The following SLC45A3 variants were observed in gnomAD, a reference collection of about 807,000 sequenced individuals.
SLC45A3 encodes prostate cancer associated protein 2.
Under a neutral mutation model 35.3 loss-of-function variants are expected in SLC45A3, and 17 were observed. The ratio of observed to expected loss-of-function variants is 0.48; its 90% CI spans 0.33 to 0.72. The LOEUF is 0.72. Among genes scored for constraint, SLC45A3 ranks in the 30% least tolerant of loss-of-function variants. SLC45A3 has a pLI of 0.02. For missense variants in SLC45A3, 597 were observed against 731.7 expected, an observed-to-expected ratio of 0.82 and a Z score of 2.12; for synonymous variants, 288 against 334.3, an observed-to-expected ratio of 0.86 and a Z score of 1.51.
Position 205,662,657 on chromosome 1 carries a change from G to A in SLC45A3, c.958+176C>T, listed in dbSNP as rs140703857. The A allele has an allele frequency of 8.4e-5, 116 of 1,385,642 alleles. No homozygotes were observed. The East Asian group carries it at 2.0e-3, about 24-fold the overall frequency. The allele number at this position is 1,385,642 out of a possible 1,614,324, so 85.8% of individuals were successfully genotyped here. A position where few individuals can be genotyped will look rare whatever the true frequency, so the allele number is the denominator to read the frequency against. ...AGCAGCCAGAGGCCTTCCTGAAACC[G>A]CAAGCAGAGATGTTCCACACCCATG... On this transcript the variant is annotated intron_variant, in intron 3 of 4. Coordinates refer to ENST00000367145, the MANE Select transcript of SLC45A3 (RefSeq NM_033102.3). This position sits in a 1 kb window ranked among gnomAD's most constrained non-coding sequence, Gnocchi z 6.2.
In SLC45A3 at chr1:205,669,509, C is replaced by T. The variant is rs1671172527; in HGVS notation, c.-230-4623G>A. On this transcript the variant is annotated intron_variant, in intron 1 of 4. Transcript: ENST00000367145. The surrounding 1 kb of genome is among the most constrained non-coding windows in gnomAD (Gnocchi z 4.1). ...GAGCTGGGGGAGCAGATTCCCTCTA[C>T]TGACAGACAGAGGCCCGTGGAAGCC... Among the ~76,000 whole-genome samples the T allele has an allele frequency of 6.6e-6, 1 of 152,110 alleles. No individual in the cohort carries two copies. The highest frequency in any genetic ancestry group is 2.1e-4 in the South Asian group (1 of 4,828).
chr1:205,667,373 G>A (rs1176070697), intron 1 of SLC45A3, among the ~76,000 whole-genome samples: 1 of 152,146 alleles, frequency 6.6e-6, no homozygotes, highest in Non-Finnish European at 1.5e-5. Flanking sequence ...TGGGCATGGT[G>A]GCGTGCGCCT....
intron 1 of SLC45A3, among the ~76,000 whole-genome samples, chr1:205,674,873 G>A (rs1251678784): frequency 6.6e-5 from 10 of 152,004 alleles, no homozygotes; most frequent in East Asian, 5.9e-4. Flanking sequence ...GTGTCACCAC[G>A]CCAGGCTAAT....
rs760177726 is a variant in SLC45A3 at position 205,663,472 on chromosome 1, C to T, written c.319G>A (p.Gly107Ser). The change falls in exon 3 of 5, where the codon GGC becomes AGC. Residue 107 changes from glycine (G) to serine (S), a missense_variant. Around this residue, in one of 3 missense-constraint regions of SLC45A3, gnomAD observed 555 missense variants for 664.9 expected, o/e 0.83. Transcript: ENST00000367145. ...LLSLFLIPRA[G>S]WLAGLLCPDP... ...GGGCACAGCAGCCCTGCTAGCCAGC[C>T]GGCCCTTGGGATGAGAAAGAGGCTC... The T allele has an allele frequency of 6.2e-6, 10 of 1,612,916 alleles. No homozygotes were observed. Among genetic ancestry groups the T allele is most frequent in the South Asian group, 3.3e-5 (3 of 91,080 alleles).
At position 205,663,162 on chromosome 1, in the gene SLC45A3, C is replaced by G. The variant is rs760010755; in HGVS notation, c.629G>C (p.Cys210Ser). 2.5e-6 allele frequency: 4 copies of G among 1,612,810 alleles called. No individual in the cohort carries two copies. The highest frequency in any genetic ancestry group is 1.7e-6 in the Non-Finnish European group (2 of 1,179,734). The stretch of plus-strand genomic sequence containing the variant: ...AGCCACCAGCAGTGTGGCTGCTACG[C>G]AGGTGAGGAAGATGAGGGTGAGCAG... ...FGLLTLIFLT[C>S]VAATLLVAEE... Residue 210 changes from cysteine to serine, a missense_variant, in exon 3 of 5, where the codon TGC becomes TCC. Cys to Ser is a moderately radical substitution (Grantham distance 112). Coordinates refer to ENST00000367145, the MANE Select transcript of SLC45A3 (RefSeq NM_033102.3).
At chr1:205,677,377 C>T (rs1671330809) in intron 1 of SLC45A3, among the ~76,000 whole-genome samples, 1 of 152,220 alleles carries the variant, frequency 6.6e-6, no homozygotes, top group Admixed American at 6.5e-5. Flanking sequence ...GTGTAAACCA[C>T]AATGATTGGC....
At position 205,658,821 on chromosome 1, in the gene SLC45A3, GGCT is replaced by G; in HGVS notation, c.*410_*412del. ...CATTAAACGAAGCTGCAGGTTAAGG[GGCT>G]TAGAGATGGGAAACCAGGTGACTGA... On this transcript the variant is annotated 3_prime_UTR_variant, in exon 5 of 5. Coordinates refer to ENST00000367145, the MANE Select transcript of SLC45A3 (RefSeq NM_033102.3). 3.9e-6 allele frequency: 1 copy of G among 255,794 alleles called. No homozygotes were observed. Among genetic ancestry groups the G allele is most frequent in the Non-Finnish European group, 7.7e-6 (1 of 130,598 alleles). 15.8% of individuals were successfully genotyped at this position (255,794 alleles called of 1,614,324 possible). A position where few individuals can be genotyped will look rare whatever the true frequency, so the allele number is the denominator to read the frequency against.
rs781017732 is a variant in SLC45A3, at chr1:205,662,085, T to C, written c.1000A>G (p.Ile334Val). The stretch of plus-strand genomic sequence containing the variant: ...ATGACCAGAGAGAAGACCAGGGAGA[T>C]GGCGCACTGCAGGAACAGCCCCAGG... ...GSLGLFLQCA[I>V]SLVFSLVMDR... is the part of the protein sequence containing the mutation. Residue 334 changes from isoleucine to valine, a missense_variant, in exon 4 of 5, where the codon ATC becomes GTC. Around this residue, in one of 3 missense-constraint regions of SLC45A3, gnomAD observed 555 missense variants for 664.9 expected, o/e 0.83. Transcript: ENST00000367145. The surrounding 1 kb of genome is among the most constrained non-coding windows in gnomAD (Gnocchi z 6.2). 8.7e-6 allele frequency: 14 copies of C among 1,613,984 alleles called. No individual in the cohort carries two copies. In the South Asian group the frequency reaches 8.8e-5, roughly 10 times the overall value.
chr1:205,662,053 C>A lies in SLC45A3; in HGVS notation c.1032G>T (p.Arg344=). ...ISLVFSLVMD[R]LVQRFGTRAV... The stretch of plus-strand genomic sequence containing the variant: ...CTCGAGTGCCGAATCGCTGCACCAG[C>A]CGGTCCATGACCAGAGAGAAGACCA... Residue 344 remains arginine, a synonymous_variant, in exon 4 of 5, where the codon CGG becomes CGT. Coordinates refer to ENST00000367145, the MANE Select transcript of SLC45A3 (RefSeq NM_033102.3). The surrounding 1 kb of genome is among the most constrained non-coding windows in gnomAD (Gnocchi z 6.2). 6.2e-7 allele frequency: 1 copy of A among 1,614,182 alleles called. No individual in the cohort carries two copies. The highest frequency in any genetic ancestry group is 8.5e-7 in the Non-Finnish European group (1 of 1,180,030).
At position 205,663,051 on chromosome 1, in the gene SLC45A3, C is replaced by A. The variant is rs765451038; in HGVS notation, c.740G>T (p.Arg247Leu). 6.2e-7 allele frequency: 1 copy of A among 1,608,270 alleles called. No homozygotes were observed. The highest frequency in any genetic ancestry group is 1.3e-5 in the African/African-American group (1 of 74,944). ...GGCGCCCAGGTTCCGGAAAGCCAAG[C>A]GGGCCCGGCATGGACAGCAGTGGGG... ...LSPHCCPCRA[R>L]LAFRNLGALL... Residue 247 changes from arginine to leucine, a missense_variant, in exon 3 of 5, where the codon CGC becomes CTC. Arg to Leu is a moderately radical substitution (Grantham distance 102). Coordinates refer to ENST00000367145, the MANE Select transcript of SLC45A3 (RefSeq NM_033102.3).
intron 1 of SLC45A3, among the ~76,000 whole-genome samples, chr1:205,676,811 T>C (rs998662435): frequency 4.6e-5 from 7 of 152,150 alleles, no homozygotes; most frequent in African/African-American, 1.7e-4. Context: ...GGACACTTAA[T>C]ACACTGGACA....
chr1:205,666,506 A>T lies in SLC45A3; in HGVS notation c.-230-1620T>A, dbSNP rs1319366577. ...TGGGTGACAGAGGGAGACACTGCCT[A>T]AAAAAACATCAGATGGCTATCAGTC... On this transcript the variant is annotated intron_variant, in intron 1 of 4. Coordinates refer to ENST00000367145, the MANE Select transcript of SLC45A3 (RefSeq NM_033102.3). The surrounding 1 kb of genome is among the most constrained non-coding windows in gnomAD (Gnocchi z 4.1). Among the ~76,000 whole-genome samples, 7 of 152,132 alleles carry T rather than the reference A, an allele frequency of 4.6e-5. No individual in the cohort carries two copies. Among genetic ancestry groups the T allele is most frequent in the African/African-American group, 4.8e-5 (2 of 41,426 alleles).
intron 1 of SLC45A3, among the ~76,000 whole-genome samples, chr1:205,672,917 C>T (rs1174250405): frequency 1.3e-5 from 2 of 152,174 alleles, no homozygotes; most frequent in Non-Finnish European, 2.9e-5. Context: ...ACTGATGAGG[C>T]TACATGACAT....
At position 205,661,532 on chromosome 1, in the gene SLC45A3, C is replaced by T. The variant is rs145246692; in HGVS notation, c.1224+329G>A. ...ATGGCCCAGGGGTCATCTGATTCAG[C>T]GCCCTGCCTCTCCATAGAACAACCA... On this transcript the variant is annotated intron_variant, in intron 4 of 4. Coordinates refer to ENST00000367145, the MANE Select transcript of SLC45A3 (RefSeq NM_033102.3). 1.6e-3 allele frequency among the ~76,000 whole-genome samples: 244 copies of T among 152,242 alleles called. 3 individuals are homozygous for T. Among genetic ancestry groups the T allele is most frequent in the African/African-American group, 5.6e-3 (232 of 41,530 alleles).
At chr1:205,677,696 A>G (rs895480678) in intron 1 of SLC45A3, among the ~76,000 whole-genome samples, 2 of 152,218 alleles carry the variant, frequency 1.3e-5, no homozygotes, top group African/African-American at 4.8e-5. Context: ...AGCAAGGCCC[A>G]AGAGGAGAGT....
At chr1:205,679,757 C>A (rs2102412584) in intron 1 of SLC45A3, among the ~76,000 whole-genome samples, 1 of 151,296 alleles carries the variant, frequency 6.6e-6, no homozygotes, top group East Asian at 2.0e-4. Flanking sequence ...CCAGAGCTCG[C>A]CCCAGTTCTA....
intron 1 of SLC45A3, among the ~76,000 whole-genome samples, chr1:205,665,432 G>C (rs939363222): frequency 6.6e-6 from 1 of 152,152 alleles, no homozygotes; most frequent in African/African-American, 2.4e-5. Context: ...CTGTTTTGTT[G>C]GGTTGGGTTT....
chr1:205,673,960 G>A (rs903700882), intron 1 of SLC45A3, among the ~76,000 whole-genome samples: 2 of 152,228 alleles, frequency 1.3e-5, no homozygotes, highest in African/African-American at 2.4e-5. Flanking sequence ...CCTCAATTGT[G>A]TATAAGCCTG....
At chr1:205,675,638 C>T (rs1288453278) in intron 1 of SLC45A3, among the ~76,000 whole-genome samples, 1 of 152,082 alleles carries the variant, frequency 6.6e-6, no homozygotes, top group African/African-American at 2.4e-5. Flanking sequence ...TGGCTATCTG[C>T]GTGTCCCTAG....
Sources: allele counts gnomAD v4.1 joint callset (sites outside exome capture counted in the v4.1 genomes callset), GRCh38; gene constraint gnomAD v4.1.1; regional missense constraint gnomAD v4.1.1; non-coding constraint Gnocchi (gnomAD v3.1); transcripts MANE v1.5; gene names NCBI Gene and HGNC (gene_info 2026-07-23, HGNC 2026-07-21).